The following TENM4 variants were observed in gnomAD, a reference collection of about 807,000 sequenced individuals.
TENM4 encodes teneurin transmembrane protein 4.
TENM4 carries 82 observed loss-of-function variants against 243.3 expected under a neutral mutation model. That is an observed-to-expected ratio of 0.34 (90% CI 0.28 to 0.40). The LOEUF (loss-of-function observed/expected upper bound fraction) is 0.40, where lower values mean the gene tolerates loss of function less well. Ranked by LOEUF, TENM4 falls within the 10% of genes least tolerant of loss-of-function variation. The probability of loss-of-function intolerance (pLI) is 1.00; values close to 1 mark genes in which losing one functional copy is unlikely to be tolerated. For synonymous variants in TENM4, 1,412 were observed against 1,456.3 expected (o/e 0.97, Z 0.69); for missense variants, 3,138 against 3,673.3 (o/e 0.85, Z 3.77).
chr11:79,164,032 GTATATATACACTATAAATACTA>G, intron 3 of TENM4, among the ~76,000 whole-genome samples: 1 of 97,164 alleles, frequency 1.0e-5, no homozygotes, highest in African/African-American at 3.7e-5. Context: ...TATGTATATA[GTATATATACACTATAAATACTA>G]TGTATATATA....
chr11:79,159,822 A>G (rs983373646), intron 3 of TENM4, among the ~76,000 whole-genome samples: 7 of 152,184 alleles, frequency 4.6e-5, no homozygotes, highest in Non-Finnish European at 7.3e-5. Context: ...TCATTCATTT[A>G]CAGATGCCTT....
At chr11:78,818,879 G>T (rs1333980209) in intron 12 of TENM4, among the ~76,000 whole-genome samples, 3 of 151,372 alleles carry the variant, frequency 2.0e-5, no homozygotes, top group African/African-American at 4.9e-5. Context: ...TGAATAATTG[G>T]TTTTCATAAT....
Position 79,178,649 on chromosome 11 carries a change from C to A in TENM4, c.-162-29843G>T, listed in dbSNP as rs571995004. On this transcript the variant is annotated intron_variant, in intron 3 of 33. Coordinates refer to ENST00000278550, the MANE Select transcript of TENM4 (RefSeq NM_001098816.3). ...TATAGCAACATGCAGGTCCTGGGGC[C>A]CTTGACAGGAGCAGTGTTGGAAGGA... Among the ~76,000 whole-genome samples, 22 of 152,242 alleles carry A rather than the reference C, an allele frequency of 1.4e-4. 1 individual carries two copies. The highest frequency in any genetic ancestry group is 1.3e-3 in the Admixed American group (20 of 15,290).
At chr11:79,051,310 G>C (rs1360216663) in intron 6 of TENM4, among the ~76,000 whole-genome samples, 1 of 152,186 alleles carries the variant, frequency 6.6e-6, no homozygotes, top group East Asian at 1.9e-4. Context: ...GAGAGATGAA[G>C]AGACCTGCCT....
chr11:79,196,647 C>A (rs1863633417), intron 3 of TENM4, among the ~76,000 whole-genome samples: 1 of 152,168 alleles, frequency 6.6e-6, no homozygotes, highest in East Asian at 1.9e-4. Context: ...AGACACTGTT[C>A]CCCATGTTTC....
chr11:78,693,471 C>A (rs1218721905), intron 28 of TENM4, among the ~76,000 whole-genome samples: 1 of 152,202 alleles, frequency 6.6e-6, no homozygotes, highest in Admixed American at 6.5e-5. Context: ...TCTTTGGGTT[C>A]ATCACTGCAG....
intron 2 of TENM4, among the ~76,000 whole-genome samples, chr11:79,273,006 C>G (rs1855995771): frequency 6.6e-6 from 1 of 152,124 alleles, no homozygotes; most frequent in African/African-American, 2.4e-5. Flanking sequence ...TCCTAAGAAG[C>G]AAAGAGAAAC....
At chr11:78,827,824 T>C (rs1857892347) in intron 12 of TENM4, among the ~76,000 whole-genome samples, 1 of 152,132 alleles carries the variant, frequency 6.6e-6, no homozygotes, top group South Asian at 2.1e-4. Flanking sequence ...TTCGTGAAGG[T>C]CCCCCTGGCT....
At chr11:78,888,929 A>G (rs1387542962) in intron 9 of TENM4, among the ~76,000 whole-genome samples, 2 of 152,208 alleles carry the variant, frequency 1.3e-5, no homozygotes, top group Admixed American at 6.5e-5. Context: ...TAAGAGGCTG[A>G]TTTATATAGA....
intron 6 of TENM4, among the ~76,000 whole-genome samples, chr11:79,018,791 A>T (rs905760762): frequency 2.0e-5 from 3 of 152,208 alleles, no homozygotes; most frequent in Non-Finnish European, 2.9e-5. Flanking sequence ...ATTCACTGAC[A>T]TTTTTTTAGC....
At chr11:79,318,854 A>G (rs1223624730) in intron 1 of TENM4, among the ~76,000 whole-genome samples, 1 of 152,058 alleles carries the variant, frequency 6.6e-6, no homozygotes, top group Non-Finnish European at 1.5e-5. Flanking sequence ...GGTCCCCAAA[A>G]CTCCATAGAA....
chr11:78,899,120 A>G lies in TENM4; in HGVS notation c.749+4148T>C, dbSNP rs138937314. ...TGACTAACAGAATATGGAGGAAATG[A>G]CACTATAGCATTTTCAGGCCAAGCC... On this transcript the variant is annotated intron_variant, in intron 7 of 33. Transcript: ENST00000278550. Among the ~76,000 whole-genome samples, 687 of 152,174 alleles carry G rather than the reference A, an allele frequency of 4.5e-3. 7 individuals carry two copies. Among genetic ancestry groups the G allele is most frequent in the African/African-American group, 0.016 (665 of 41,516 alleles).
At chr11:79,127,650 C>T (rs1232392369) in intron 4 of TENM4, among the ~76,000 whole-genome samples, 4 of 152,206 alleles carry the variant, frequency 2.6e-5, no homozygotes, top group African/African-American at 4.8e-5. Context: ...TCGGGGAGAC[C>T]TTGATCACTT....
chr11:79,182,184 C>T (rs183044944), intron 3 of TENM4, among the ~76,000 whole-genome samples: 1 of 152,216 alleles, frequency 6.6e-6, no homozygotes, highest in Non-Finnish European at 1.5e-5. Context: ...TACTGAACTT[C>T]CAGACTTACT....
At chr11:79,406,633 A>G (rs1487753756) in intron 1 of TENM4, among the ~76,000 whole-genome samples, 4 of 152,188 alleles carry the variant, frequency 2.6e-5, no homozygotes, top group Non-Finnish European at 5.9e-5. Flanking sequence ...GAAAACACCT[A>G]TCTAGTCCAG....
chr11:79,129,155 A>G (rs1861944219), intron 4 of TENM4, among the ~76,000 whole-genome samples: 1 of 152,188 alleles, frequency 6.6e-6, no homozygotes, highest in Admixed American at 6.5e-5. Context: ...ACCTGGAACT[A>G]AGCCAATTTA....
chr11:79,101,577 C>T (rs905509695), intron 4 of TENM4, among the ~76,000 whole-genome samples: 2 of 152,200 alleles, frequency 1.3e-5, no homozygotes, highest in South Asian at 2.1e-4. Flanking sequence ...TAATCCTGCA[C>T]AGTGCTTTAC....
intron 18 of TENM4, among the ~76,000 whole-genome samples, chr11:78,762,127 G>A (rs1340215593): frequency 6.6e-6 from 1 of 152,166 alleles, no homozygotes; most frequent in East Asian, 1.9e-4. Flanking sequence ...CAAGAGCTCT[G>A]AGCCTCAGTT....
At chr11:78,982,798 T>G (rs947872692) in intron 6 of TENM4, among the ~76,000 whole-genome samples, 1 of 152,244 alleles carries the variant, frequency 6.6e-6, no homozygotes, top group Non-Finnish European at 1.5e-5. Context: ...TGCCCATTAG[T>G]GCTAAATCCC....
Sources: allele counts gnomAD v4.1 joint callset (sites outside exome capture counted in the v4.1 genomes callset), GRCh38; gene constraint gnomAD v4.1.1; transcripts MANE v1.5; gene names NCBI Gene and HGNC (gene_info 2026-07-23, HGNC 2026-07-21).